The following TSPAN7 variants were observed in gnomAD, a reference collection of about 807,000 sequenced individuals.
The protein encoded by TSPAN7 is tetraspanin 7.
Under a neutral mutation model 17.6 loss-of-function variants are expected in TSPAN7, and 1 was observed. The ratio of observed to expected loss-of-function variants is 0.06; its 90% CI spans 0.02 to 0.27. The LOEUF (loss-of-function observed/expected upper bound fraction) is 0.27, where lower values mean the gene tolerates loss of function less well. Ranked by LOEUF, TSPAN7 falls within the 10% of genes least tolerant of loss-of-function variation. The probability of loss-of-function intolerance (pLI) is 1.00; values close to 1 mark genes in which losing one functional copy is unlikely to be tolerated. For missense variants in TSPAN7, 112 were observed against 201.7 expected (o/e 0.56, Z 2.69); for synonymous variants, 78 against 79.0 (o/e 0.99, Z 0.07).
At chrX:38,676,966 G>A (rs1212484172) in intron 5 of TSPAN7, among the ~76,000 whole-genome samples, 1 of 112,161 alleles carries the variant, frequency 8.9e-6, no homozygotes, top group Non-Finnish European at 1.9e-5. Context: ...CTGGCATGTG[G>A]TAGATACTCC....
At chrX:38,682,671 A>G (rs17145110) in intron 6 of TSPAN7, among the ~76,000 whole-genome samples, 1,604 of 112,376 alleles carry the variant, frequency 0.014, 19 homozygotes, top group African/African-American at 0.049. Context: ...TTTGCAGCTC[A>G]TGAAGTGAAT....
intron 1 of TSPAN7, among the ~76,000 whole-genome samples, chrX:38,642,167 A>G (rs919645029): frequency 8.9e-6 from 1 of 111,770 alleles, no homozygotes; most frequent in African/African-American, 3.3e-5. Context: ...GATTAAAGGG[A>G]GCACACCTTG....
chrX:38,667,068 G>A (rs2069787552), intron 2 of TSPAN7, among the ~76,000 whole-genome samples: 1 of 111,847 alleles, frequency 8.9e-6, no homozygotes, highest in African/African-American at 3.3e-5. Flanking sequence ...ATGCATGTGT[G>A]TGGTCTTCTC....
At chrX:38,616,861 G>A (rs768099530) in intron 1 of TSPAN7, among the ~76,000 whole-genome samples, 3 of 112,001 alleles carry the variant, frequency 2.7e-5, no homozygotes, top group South Asian at 7.6e-4. Context: ...ACCATACTCA[G>A]TGTCAGTATT....
At chrX:38,572,069 C>T (rs2069172161) in intron 1 of TSPAN7, among the ~76,000 whole-genome samples, 1 of 91,084 alleles carries the variant, frequency 1.1e-5, no homozygotes, top group South Asian at 4.3e-4. Flanking sequence ...CAAAGACAAA[C>T]CTCTGTCAAA....
intron 1 of TSPAN7, among the ~76,000 whole-genome samples, chrX:38,604,092 A>C (rs1176199697): frequency 1.1e-5 from 1 of 88,933 alleles, no homozygotes; most frequent in African/African-American, 4.2e-5. Flanking sequence ...CTCATTGTTC[A>C]ATTCCCACCT....
In TSPAN7 at chrX:38,687,640, C is replaced by T; in HGVS notation, c.723C>T (p.Ile241=). 2 of 1,210,756 alleles carry T rather than the reference C, an allele frequency of 1.7e-6. No individual in the cohort carries two copies. Among genetic ancestry groups the T allele is most frequent in the African/African-American group, 3.5e-5 (2 of 57,779 alleles). ...MLLACCLSRF[I]TANQYEMV ...TGGCCTGCTGTCTGTCCCGGTTCATCACGGCCAATCAGTATGAGATGGTGT... is the reference window on the plus strand; with the variant it reads ...TGGCCTGCTGTCTGTCCCGGTTCATTACGGCCAATCAGTATGAGATGGTGT... The change falls in exon 7 of 8, where the codon ATC becomes ATT. Residue 241 remains isoleucine, a synonymous_variant. Coordinates refer to ENST00000378482, the MANE Select transcript of TSPAN7 (RefSeq NM_004615.4).
intron 2 of TSPAN7, among the ~76,000 whole-genome samples, chrX:38,668,240 T>C (rs2069796003): frequency 8.9e-6 from 1 of 112,047 alleles, no homozygotes; most frequent in Non-Finnish European, 1.9e-5. Context: ...GCCCAAATAC[T>C]ATGACTGGAG....
chrX:38,616,311 T>C (rs1417639696), intron 1 of TSPAN7, among the ~76,000 whole-genome samples: 1 of 111,954 alleles, frequency 8.9e-6, no homozygotes, highest in African/African-American at 3.3e-5. Context: ...ATACAGCTAG[T>C]AAGTGGTGGA....
chrX:38,593,128 C>T (rs1479124129), intron 1 of TSPAN7, among the ~76,000 whole-genome samples: 1 of 110,523 alleles, frequency 9.0e-6, no homozygotes, highest in African/African-American at 3.3e-5. Flanking sequence ...GTATGTCATC[C>T]TTATCTTTGT....
chrX:38,632,853 G>A (rs2069558289), intron 1 of TSPAN7, among the ~76,000 whole-genome samples: 1 of 112,206 alleles, frequency 8.9e-6, no homozygotes, highest in Non-Finnish European at 1.9e-5. Flanking sequence ...AAGATAATCT[G>A]TAGGAGGATA....
At chrX:38,633,758 T>A (rs1432334160) in intron 1 of TSPAN7, among the ~76,000 whole-genome samples, 2 of 112,461 alleles carry the variant, frequency 1.8e-5, no homozygotes, top group Non-Finnish European at 3.8e-5. Flanking sequence ...TTTTTTTCTG[T>A]TTACATTTGC....
At chrX:38,581,139 A>G (rs1569302454) in intron 1 of TSPAN7, among the ~76,000 whole-genome samples, 1 of 112,490 alleles carries the variant, frequency 8.9e-6, no homozygotes, top group Non-Finnish European at 1.9e-5. Flanking sequence ...CAAGGTTTAC[A>G]TATAGTGGAT....
At chrX:38,626,018 G>A (rs1300326853) in intron 1 of TSPAN7, among the ~76,000 whole-genome samples, 4 of 112,257 alleles carry the variant, frequency 3.6e-5, no homozygotes, top group East Asian at 5.6e-4. Flanking sequence ...ATTTGTCACC[G>A]TAAAGACTGT....
intron 1 of TSPAN7, among the ~76,000 whole-genome samples, chrX:38,606,344 A>T (rs1175387349): frequency 8.9e-6 from 1 of 112,425 alleles, no homozygotes; most frequent in African/African-American, 3.2e-5. Flanking sequence ...TTCTTAAGAC[A>T]TTAATATATT....
intron 1 of TSPAN7, among the ~76,000 whole-genome samples, chrX:38,639,986 T>C (rs138752387): frequency 1.2e-3 from 131 of 111,912 alleles, no homozygotes; most frequent in Middle Eastern, 4.6e-3. Flanking sequence ...TGAGATAGGA[T>C]TTTAAAAAAT....
chrX:38,654,817 G>A (rs962163346), intron 1 of TSPAN7, among the ~76,000 whole-genome samples: 1 of 112,470 alleles, frequency 8.9e-6, no homozygotes, highest in African/African-American at 3.2e-5. Context: ...GTATACAAAG[G>A]TGATAGGTGC....
chrX:38,566,601 A>G (rs2069144781), intron 1 of TSPAN7, among the ~76,000 whole-genome samples: 1 of 112,055 alleles, frequency 8.9e-6, no homozygotes, highest in African/African-American at 3.2e-5. Flanking sequence ...AAAAGATGGA[A>G]TAGCAGATTT....
At chrX:38,669,695 T>C (rs993775154) in intron 2 of TSPAN7, among the ~76,000 whole-genome samples, 4 of 112,370 alleles carry the variant, frequency 3.6e-5, no homozygotes, top group Admixed American at 1.9e-4. Flanking sequence ...GCAGTCCTTA[T>C]ATAACCTCAT....
Sources: gnomAD v4.1 joint callset for allele counts (sites outside exome capture counted in the v4.1 genomes callset) on GRCh38, gnomAD v4.1.1 for gene constraint, MANE v1.5 for transcripts, NCBI Gene and HGNC (gene_info 2026-07-23, HGNC 2026-07-21) for gene names.